Variants in ABR observed in about 807,000 individuals in gnomAD.
ABR encodes active breakpoint cluster region-related protein.
Under a neutral mutation model 107.2 loss-of-function variants are expected in ABR, and 35 were observed. The ratio of observed to expected loss-of-function variants is 0.33; its 90% confidence interval spans 0.25 to 0.43. ABR has a LOEUF of 0.43. ABR is among the 20% of genes least tolerant of loss of function. The probability of loss-of-function intolerance (pLI) is 1.00; values close to 1 mark genes in which losing one functional copy is unlikely to be tolerated. For synonymous variants in ABR, 498 were observed against 462.0 expected, an observed-to-expected ratio of 1.08 and a Z score of -1.00; for missense variants, 815 against 1,115.2, an observed-to-expected ratio of 0.73 and a Z score of 3.83.
At chr17:1,141,004 C>T (rs1283675778) in intron 1 of ABR, among the ~76,000 whole-genome samples, 2 of 152,062 alleles carry the variant, frequency 1.3e-5, no homozygotes, top group African/African-American at 4.8e-5. Flanking sequence ...GATACCATGT[C>T]ACAGGGTGGT....
intron 16 of ABR, among the ~76,000 whole-genome samples, chr17:1,018,605 T>TG (rs34389370): frequency 1.3e-5 from 2 of 151,354 alleles, no homozygotes; most frequent in South Asian, 4.2e-4. Context: ...CACAACCTGG[T>TG]CGGGGGGAGT....
rs925132211 is a variant in ABR, at chr17:1,157,377, A to C, written c.61+22290T>G. Among the ~76,000 whole-genome samples, 5 of 151,832 alleles carry C rather than the reference A, an allele frequency of 3.3e-5. No homozygotes were observed. The highest frequency in any genetic ancestry group is 1.2e-4 in the African/African-American group (5 of 41,304). On this transcript the variant is annotated intron_variant, in intron 1 of 22. Transcript: ENST00000302538. The surrounding 1 kb of genome is among the most constrained non-coding windows in gnomAD (Gnocchi z 4.7). ...GTAATTCTCCTGCCTCAGCCTCCCA[A>C]ATAGCTGGGATTACAGGTGTGCGCC... is the stretch of plus-strand genomic sequence containing the variant.
At chr17:1,040,654 G>T (rs1442700452) in intron 16 of ABR, among the ~76,000 whole-genome samples, 1 of 152,208 alleles carries the variant, frequency 6.6e-6, no homozygotes, top group African/African-American at 2.4e-5. Flanking sequence ...AGAACCACTG[G>T]AAGGGGGTGG....
intron 1 of ABR, among the ~76,000 whole-genome samples, chr17:1,175,942 T>C (rs1301868612): frequency 6.6e-6 from 1 of 151,810 alleles, no homozygotes; most frequent in African/African-American, 2.4e-5. Flanking sequence ...ACACAAAAAA[T>C]TAGCCGGGCG....
At chr17:1,201,204 C>T (rs2042665000) in intron 1 of ABR, among the ~76,000 whole-genome samples, 1 of 152,198 alleles carries the variant, frequency 6.6e-6, no homozygotes, top group Non-Finnish European at 1.5e-5. Flanking sequence ...GTCCACGAGG[C>T]TGCTGCTCCG....
intron 1 of ABR, among the ~76,000 whole-genome samples, chr17:1,221,605 C>G (rs2043121042): frequency 6.6e-6 from 1 of 152,128 alleles, no homozygotes; most frequent in African/African-American, 2.4e-5. Context: ...TCGACCAATC[C>G]CAGGTTCCAC....
At chr17:1,209,776 A>G (rs1032893253) in intron 1 of ABR, among the ~76,000 whole-genome samples, 1 of 152,200 alleles carries the variant, frequency 6.6e-6, no homozygotes, top group African/African-American at 2.4e-5. Context: ...ACATATACAT[A>G]GATAATTATA....
intron 21 of ABR, 107 bp downstream of exon 21, chr17:1,009,572 G>A (rs992846403): frequency 2.8e-5 from 26 of 930,744 alleles, no homozygotes; most frequent in African/African-American, 2.0e-4. Context: ...GCCACTCCCC[G>A]TTACCTTTTC....
rs1284045695 is a variant in ABR at position 1,092,986 on chromosome 17, A to AT, written c.346-1137dup. ...AGGCGCCCGCCACCACGCCTGGCTA[A>AT]TTTTTTTTGTATTTTTAGTAGAGAC... On this transcript the variant is annotated intron_variant, in intron 3 of 22. Transcript: ENST00000302538. The surrounding 1 kb of genome is among the most constrained non-coding windows in gnomAD (Gnocchi z 4.6). 2.2e-4 allele frequency among the ~76,000 whole-genome samples: 33 copies of AT among 151,070 alleles called. No homozygotes were observed. The highest frequency in any genetic ancestry group is 7.0e-4 in the African/African-American group (29 of 41,288).
At chr17:1,209,219 C>T (rs1006831066) in intron 1 of ABR, among the ~76,000 whole-genome samples, 1 of 152,070 alleles carries the variant, frequency 6.6e-6, no homozygotes, top group Admixed American at 6.6e-5. Context: ...TTACTCTCTG[C>T]AGCTGCGTTG....
At position 1,012,498 on chromosome 17, in the gene ABR, G is replaced by A. The variant is rs72812088; in HGVS notation, c.1961+190C>T. ...CCTTCCAGCGTTTAGGTGCTGGCTC[G>A]CGTGCTTCTGAAGTGTCCTGTGAGC... On this transcript the variant is annotated intron_variant, in intron 18 of 22. Coordinates refer to ENST00000302538, the MANE Select transcript of ABR (RefSeq NM_021962.5). The A allele has an allele frequency of 2.2e-3, 1,542 of 700,960 alleles. 8 individuals carry two copies. Among genetic ancestry groups the A allele is most frequent in the Non-Finnish European group, 2.2e-3 (843 of 384,382 alleles). The allele number at this position is 700,960 out of a possible 1,614,324, so 43.4% of individuals were successfully genotyped here.
At chr17:1,079,268 C>T in intron 6 of ABR, 62 bp downstream of exon 6, 1 of 1,580,036 alleles carries the variant, frequency 6.3e-7, no homozygotes. Flanking sequence ...GTTCACGCAG[C>T]CTGTTGCCTG....
chr17:1,073,758 C>A, intron 6 of ABR, 81 bp from the exon 7 acceptor site: 1 of 1,304,104 alleles, frequency 7.7e-7, no homozygotes, highest in East Asian at 2.5e-5. Context: ...CTTCGTCCCC[C>A]CACCCGCATG....
rs1277998821 is a variant in ABR at position 1,003,834 on chromosome 17, G to C, written c.*2246C>G. ...CCAGGCTGCACAGTCCCTGGCTCCT[G>C]ACTCCTGCCGGGCGCAGTGACTGGA... is the stretch of plus-strand genomic sequence containing the variant. On this transcript the variant is annotated 3_prime_UTR_variant, in exon 23 of 23. Coordinates refer to ENST00000302538, the MANE Select transcript of ABR (RefSeq NM_021962.5). The C allele has an allele frequency of 6.6e-6, 1 of 152,322 alleles. No homozygotes were observed. The highest frequency in any genetic ancestry group is 2.4e-5 in the African/African-American group (1 of 41,428). 9.4% of individuals were successfully genotyped at this position (152,322 alleles called of 1,614,324 possible).
At chr17:1,112,043 G>C (rs893691839) in intron 2 of ABR, among the ~76,000 whole-genome samples, 8 of 152,140 alleles carry the variant, frequency 5.3e-5, no homozygotes. Flanking sequence ...CAAGTCCTTC[G>C]GTTCTTCTTT....
intron 3 of ABR, among the ~76,000 whole-genome samples, chr17:1,098,410 A>C (rs938039840): frequency 1.3e-5 from 2 of 152,174 alleles, no homozygotes; most frequent in Non-Finnish European, 2.9e-5. Flanking sequence ...CAACAGGTGT[A>C]AGACACCATG....
chr17:1,086,632 C>G (rs978283195), intron 4 of ABR, among the ~76,000 whole-genome samples: 1 of 152,022 alleles, frequency 6.6e-6, no homozygotes, highest in African/African-American at 2.4e-5. Context: ...TCCTGACTAA[C>G]TGGGACTACA....
At position 1,113,235 on chromosome 17, in the gene ABR, G is replaced by A. The variant is rs565497812; in HGVS notation, c.246+11948C>T. ...GCAGTGTCAGAACTCTGCAGCTGAG[G>A]TGCCACTTTTCTGGAAGGGATAACA... On this transcript the variant is annotated intron_variant, in intron 2 of 22. Transcript: ENST00000302538. Among the ~76,000 whole-genome samples the A allele has an allele frequency of 1.3e-5, 2 of 151,088 alleles. 1 individual carries two copies. The highest frequency in any genetic ancestry group is 4.2e-4 in the South Asian group (2 of 4,808).
At chr17:1,167,665 AG>A (rs2041565645) in intron 1 of ABR, among the ~76,000 whole-genome samples, 1 of 152,228 alleles carries the variant, frequency 6.6e-6, no homozygotes, top group Non-Finnish European at 1.5e-5. Context: ...AGCATGAAAC[AG>A]GATAAAAATG....
Sources: allele counts gnomAD v4.1 joint callset (sites outside exome capture counted in the v4.1 genomes callset), GRCh38; gene constraint gnomAD v4.1.1; non-coding constraint Gnocchi (gnomAD v3.1); transcripts MANE v1.5; gene names NCBI Gene and HGNC (gene_info 2026-07-23, HGNC 2026-07-21).